The following ABCB10 variants were observed in gnomAD, a reference collection of about 807,000 sequenced individuals.
ABCB10 encodes ATP-binding cassette sub-family B member 10, mitochondrial.
ABCB10 carries 54 observed loss-of-function variants against 65.4 expected under a neutral mutation model. The observed-to-expected ratio is 0.83, with a 90% confidence interval of 0.66 to 1.04. The LOEUF (loss-of-function observed/expected upper bound fraction) is 1.04, where lower values mean the gene tolerates loss of function less well. ABCB10 is among the 50% of genes least tolerant of loss of function. The probability of loss-of-function intolerance (pLI) is 0.00; values close to 1 mark genes in which losing one functional copy is unlikely to be tolerated. For missense variants in ABCB10, 846 were observed against 976.6 expected (o/e 0.87, Z 1.78); for synonymous variants, 418 against 406.5 (o/e 1.03, Z -0.34).
rs1187966989 is a variant in ABCB10, at chr1:229,555,727, G to GAA, written c.517+2407_517+2408dup. ...CTCAGCTTTTTTAGTGTTTTGATTA[G>GAA]AAAATACACACACGCAATTGCTCTT... On this transcript the variant is annotated intron_variant, in intron 1 of 12. Transcript: ENST00000344517. Among the ~76,000 whole-genome samples the GAA allele has an allele frequency of 5.3e-5, 8 of 152,216 alleles. No homozygotes were observed. In the East Asian group the frequency reaches 1.3e-3, roughly 26 times the overall value.
chr1:229,542,468 T>A, intron 3 of ABCB10, 97 bp from the exon 4 acceptor site: 2 of 1,105,724 alleles, frequency 1.8e-6, no homozygotes, highest in Non-Finnish European at 2.5e-6. Flanking sequence ...TGGGTGTGTC[T>A]GTGTGTGTGT....
At chr1:229,522,906 G>A (rs1045308058) in intron 10 of ABCB10, among the ~76,000 whole-genome samples, 11 of 152,084 alleles carry the variant, frequency 7.2e-5, no homozygotes, top group African/African-American at 2.7e-4. Flanking sequence ...GTGGAGTACA[G>A]TAGTGCAATC....
chr1:229,530,828 AC>A (rs11366453), intron 7 of ABCB10, among the ~76,000 whole-genome samples: 6,683 of 152,164 alleles, frequency 0.044, 413 homozygotes, highest in African/African-American at 0.14. Flanking sequence ...TATCTTACCT[AC>A]CCGGAATAAA....
Position 229,549,219 on chromosome 1 carries a change from A to G in ABCB10, c.718+15T>C. 1 of 1,613,864 alleles carries G rather than the reference A, an allele frequency of 6.2e-7. No homozygotes were observed. Among genetic ancestry groups the G allele is most frequent in the Non-Finnish European group, 8.5e-7 (1 of 1,179,808 alleles). On this transcript the variant is annotated intron_variant, in intron 2 of 12. Coordinates refer to ENST00000344517, the MANE Select transcript of ABCB10 (RefSeq NM_012089.3). The stretch of plus-strand genomic sequence containing the variant: ...CTTCAGGATGACTCACATCCCTGAG[A>G]GGAGAGACTGTTACCTGAAGTTTGC...
chr1:229,547,422 G>C, intron 3 of ABCB10, 77 bp downstream of exon 3: 32 of 1,536,520 alleles, frequency 2.1e-5, no homozygotes, highest in Non-Finnish European at 2.8e-5. Flanking sequence ...CTCAGCTTGA[G>C]CTCGTCTCAC....
chr1:229,547,998 T>A (rs1663011407), intron 2 of ABCB10, among the ~76,000 whole-genome samples: 1 of 151,788 alleles, frequency 6.6e-6, no homozygotes, highest in Admixed American at 6.6e-5. Context: ...CTTTTTTATT[T>A]TTACTTTTTT....
At chr1:229,557,940 C>G (rs916833292) in intron 1 of ABCB10, among the ~76,000 whole-genome samples, 196 bp downstream of exon 1, 8 of 152,220 alleles carry the variant, frequency 5.3e-5, no homozygotes, top group Non-Finnish European at 1.2e-4. Flanking sequence ...GCAAACGAGT[C>G]CCCAGCTAAG....
chr1:229,542,591 T>A (rs1348854384), intron 3 of ABCB10, among the ~76,000 whole-genome samples: 1 of 151,228 alleles, frequency 6.6e-6, no homozygotes, highest in Non-Finnish European at 1.5e-5. Context: ...ATATTCAGCA[T>A]GCCACATAGA....
intron 10 of ABCB10, 148 bp from the exon 11 acceptor site, chr1:229,521,783 T>C: frequency 1.4e-6 from 1 of 708,796 alleles, no homozygotes; most frequent in South Asian, 2.1e-5. Context: ...TTTTAAAATA[T>C]AGGTTTAAAA....
intron 6 of ABCB10, among the ~76,000 whole-genome samples, chr1:229,537,553 G>A (rs915064339): frequency 3.9e-5 from 6 of 152,162 alleles, no homozygotes; most frequent in Non-Finnish European, 5.9e-5. Context: ...TTGGGAGGCT[G>A]AGGCGGGCGG....
chr1:229,543,743 C>T (rs1190956635), intron 3 of ABCB10, among the ~76,000 whole-genome samples: 2 of 152,142 alleles, frequency 1.3e-5, no homozygotes, highest in Non-Finnish European at 2.9e-5. Context: ...AGAGCCATTG[C>T]ATAAAGGCCC....
intron 2 of ABCB10, 143 bp from the exon 3 acceptor site, chr1:229,547,844 A>G (rs1663006387): frequency 1.4e-6 from 1 of 726,076 alleles, no homozygotes; most frequent in Admixed American, 2.4e-5. Context: ...GCTGCACTGT[A>G]TCCCATGGGT....
chr1:229,553,253 G>C (rs1663161581), intron 1 of ABCB10, among the ~76,000 whole-genome samples: 1 of 152,070 alleles, frequency 6.6e-6, no homozygotes, highest in African/African-American at 2.4e-5. Flanking sequence ...TGGGATTACA[G>C]GCATGCGCCA....
intron 12 of ABCB10, 114 bp from the exon 13 acceptor site, chr1:229,518,524 A>G: frequency 1.1e-6 from 1 of 873,270 alleles, no homozygotes; most frequent in Non-Finnish European, 1.8e-6. Flanking sequence ...TCAAAATTTC[A>G]ACTGTTTAGG....
intron 6 of ABCB10, among the ~76,000 whole-genome samples, chr1:229,538,082 C>T (rs1358440341): frequency 6.6e-6 from 1 of 152,180 alleles, no homozygotes; most frequent in Non-Finnish European, 1.5e-5. Context: ...AGCCAAATTA[C>T]CCAATCTCTG....
At chr1:229,537,538 G>A (rs1662746938) in intron 6 of ABCB10, among the ~76,000 whole-genome samples, 1 of 152,154 alleles carries the variant, frequency 6.6e-6, no homozygotes, top group African/African-American at 2.4e-5. Context: ...TGTAATCCTA[G>A]CAATTTGGGA....
chr1:229,539,964 G>A (rs1044545323), intron 5 of ABCB10, among the ~76,000 whole-genome samples: 3 of 152,202 alleles, frequency 2.0e-5, no homozygotes, highest in African/African-American at 7.2e-5. Context: ...CCAGCCTGAG[G>A]AGCTGGACTC....
chr1:229,554,201 G>C (rs1663188261), intron 1 of ABCB10, among the ~76,000 whole-genome samples: 1 of 152,218 alleles, frequency 6.6e-6, no homozygotes, highest in African/African-American at 2.4e-5. Flanking sequence ...TGGAGGCTGA[G>C]TGAAGAGACT....
At chr1:229,522,781 A>T (rs1490677886) in intron 10 of ABCB10, among the ~76,000 whole-genome samples, 1 of 152,244 alleles carries the variant, frequency 6.6e-6, no homozygotes, top group African/African-American at 2.4e-5. Context: ...GAACACTTGA[A>T]ATGTCTGGGA....
Sources: gnomAD v4.1 joint callset for allele counts (sites outside exome capture counted in the v4.1 genomes callset) on GRCh38, gnomAD v4.1.1 for gene constraint, MANE v1.5 for transcripts, NCBI Gene and HGNC (gene_info 2026-07-23, HGNC 2026-07-21) for gene names.